Variants in CNTN5 observed in about 807,000 individuals in gnomAD.
CNTN5 encodes the protein contactin-5.
A neutral mutation model predicts 129.1 loss-of-function variants in CNTN5; 77 were observed. The ratio of observed to expected loss-of-function variants is 0.60; its 90% CI spans 0.50 to 0.72. CNTN5 has a LOEUF of 0.72. Among genes scored for constraint, CNTN5 ranks in the 30% least tolerant of loss-of-function variants. The probability of loss-of-function intolerance (pLI) is 0.00; values close to 1 mark genes in which losing one functional copy is unlikely to be tolerated. For missense variants in CNTN5, 1,478 were observed against 1,328.8 expected (o/e 1.11, Z -1.75); for synonymous variants, 509 against 465.6 (o/e 1.09, Z -1.20).
At chr11:100,244,907 T>A (rs1241218556) in intron 16 of CNTN5, among the ~76,000 whole-genome samples, 2 of 152,214 alleles carry the variant, frequency 1.3e-5, no homozygotes, top group Non-Finnish European at 2.9e-5. Flanking sequence ...TAATTGGAGA[T>A]CTTTCTTTCA....
chr11:99,868,385 A>G (rs1207151514), intron 6 of CNTN5, among the ~76,000 whole-genome samples: 1 of 152,190 alleles, frequency 6.6e-6, no homozygotes, highest in African/African-American at 2.4e-5. Context: ...TTTGTATACA[A>G]TAGTTGTTTT....
chr11:99,804,721 ATAAATGTATATAC>A (rs1278595469), intron 3 of CNTN5, among the ~76,000 whole-genome samples: 1 of 151,454 alleles, frequency 6.6e-6, no homozygotes, highest in Non-Finnish European at 1.5e-5. Context: ...TATAATAAAA[ATAAATGTATATAC>A]TAAATGTGTT....
At chr11:99,657,646 C>A (rs1301177369) in intron 3 of CNTN5, among the ~76,000 whole-genome samples, 2 of 151,912 alleles carry the variant, frequency 1.3e-5, no homozygotes, top group Non-Finnish European at 2.9e-5. Flanking sequence ...TAAAAAGAGA[C>A]CTGAGTAGTT....
intron 2 of CNTN5, among the ~76,000 whole-genome samples, chr11:99,455,697 C>T (rs1363555455): frequency 6.6e-6 from 1 of 151,882 alleles, no homozygotes; most frequent in Non-Finnish European, 1.5e-5. Flanking sequence ...CCAACCAAAG[C>T]AGCCGCAGTA....
In CNTN5 at chr11:99,826,090, T is replaced by G. The variant is rs545040171; in HGVS notation, c.277+6325T>G. Among the ~76,000 whole-genome samples, 3 of 152,256 alleles carry G rather than the reference T, an allele frequency of 2.0e-5. No individual in the cohort carries two copies. The South Asian group carries it at 6.2e-4, about 32-fold the overall frequency. ...TATCGTAAGCATATTTATTTTAAAG[T>G]CCTGATAGATATAAGTGTATTTTAT... is the stretch of plus-strand genomic sequence containing the variant. On this transcript the variant is annotated intron_variant, in intron 4 of 24. Transcript: ENST00000524871.
At chr11:99,858,737 G>GAAA (rs67393369) in intron 6 of CNTN5, among the ~76,000 whole-genome samples, 9 of 146,096 alleles carry the variant, frequency 6.2e-5, no homozygotes, top group East Asian at 2.0e-4. Flanking sequence ...TTTTAGAAAT[G>GAAA]AAAAAAAAAG....
intron 3 of CNTN5, among the ~76,000 whole-genome samples, chr11:99,764,740 C>T (rs916736973): frequency 5.3e-5 from 8 of 152,046 alleles, no homozygotes; most frequent in African/African-American, 9.7e-5. Flanking sequence ...TCTCATTTAA[C>T]GTATAATCAA....
chr11:99,565,632 C>A (rs1014885253), intron 3 of CNTN5, among the ~76,000 whole-genome samples: 1 of 152,136 alleles, frequency 6.6e-6, no homozygotes, highest in Non-Finnish European at 1.5e-5. Flanking sequence ...TCTTTGGGAC[C>A]ATTCAGTTCT....
At chr11:100,036,355 A>G (rs539096393) in intron 9 of CNTN5, among the ~76,000 whole-genome samples, 1 of 151,716 alleles carries the variant, frequency 6.6e-6, no homozygotes, top group East Asian at 1.9e-4. Flanking sequence ...GTACCAGGCT[A>G]TTTTGGTTAC....
intron 3 of CNTN5, among the ~76,000 whole-genome samples, chr11:99,785,527 C>G (rs1261859619): frequency 2.0e-5 from 3 of 151,914 alleles, no homozygotes; most frequent in Non-Finnish European, 4.4e-5. Context: ...ATACCAAAAC[C>G]TAGCAGAGAC....
At chr11:100,100,750 A>C (rs1329090682) in intron 13 of CNTN5, among the ~76,000 whole-genome samples, 1 of 152,120 alleles carries the variant, frequency 6.6e-6, no homozygotes, top group Non-Finnish European at 1.5e-5. Context: ...TATTCAGAAC[A>C]GTTTGCATCT....
chr11:100,045,170 G>T (rs1317797113), intron 9 of CNTN5, among the ~76,000 whole-genome samples: 1 of 151,630 alleles, frequency 6.6e-6, no homozygotes, highest in Non-Finnish European at 1.5e-5. Context: ...TGTACAAGAA[G>T]ATGTAAAGAA....
At chr11:99,139,998 G>A (rs868029814) in intron 1 of CNTN5, among the ~76,000 whole-genome samples, 32 of 152,000 alleles carry the variant, frequency 2.1e-4, no homozygotes, top group African/African-American at 7.0e-4. Flanking sequence ...CTTATTCTCC[G>A]TTTTTGTCAC....
intron 3 of CNTN5, among the ~76,000 whole-genome samples, chr11:99,646,084 C>A (rs665801): frequency 1.3e-5 from 2 of 151,938 alleles, no homozygotes; most frequent in East Asian, 3.9e-4. Flanking sequence ...TGGAGTCCAT[C>A]TCTCAGCATT....
chr11:99,495,716 G>A (rs1946199717), intron 2 of CNTN5, among the ~76,000 whole-genome samples: 1 of 152,294 alleles, frequency 6.6e-6, no homozygotes, highest in African/African-American at 2.4e-5. Flanking sequence ...TGATAGCAGG[G>A]TAGAGAATAA....
At chr11:100,349,918 C>T (rs938479599) in intron 23 of CNTN5, among the ~76,000 whole-genome samples, 1 of 151,708 alleles carries the variant, frequency 6.6e-6, no homozygotes, top group African/African-American at 2.4e-5. Context: ...AGTCACCTAA[C>T]CTTTATGGCC....
intron 2 of CNTN5, among the ~76,000 whole-genome samples, chr11:99,449,815 A>G (rs1433233077): frequency 6.6e-6 from 1 of 152,194 alleles, no homozygotes; most frequent in Non-Finnish European, 1.5e-5. Flanking sequence ...CTATTGGTCT[A>G]CTGGTATCAC....
At chr11:99,519,433 T>G (rs893724731) in intron 2 of CNTN5, among the ~76,000 whole-genome samples, 1 of 152,124 alleles carries the variant, frequency 6.6e-6, no homozygotes, top group African/African-American at 2.4e-5. Context: ...GTATAATTTT[T>G]GTGAATGTGG....
At chr11:99,896,704 G>C (rs1039380623) in intron 6 of CNTN5, among the ~76,000 whole-genome samples, 1 of 152,154 alleles carries the variant, frequency 6.6e-6, no homozygotes, top group Non-Finnish European at 1.5e-5. Flanking sequence ...GAGCAAGAAG[G>C]CTTCTCACCT....
Sources: gnomAD v4.1 joint callset for allele counts (sites outside exome capture counted in the v4.1 genomes callset) on GRCh38, gnomAD v4.1.1 for gene constraint, MANE v1.5 for transcripts, NCBI Gene and HGNC (gene_info 2026-07-23, HGNC 2026-07-21) for gene names.